LPIN2: variants seen among roughly 807,000 people sequenced by gnomAD.
LPIN2 encodes lipin 2, also known as phosphatidate phosphatase LPIN2.
LPIN2 carries 55 observed loss-of-function variants against 111.4 expected under a neutral mutation model. The ratio of observed to expected loss-of-function variants is 0.49; its 90% CI spans 0.40 to 0.62. The LOEUF (loss-of-function observed/expected upper bound fraction) is 0.62. Ranked by LOEUF, LPIN2 falls within the 20% of genes least tolerant of loss-of-function variation. The probability of loss-of-function intolerance (pLI) is 0.00; values close to 1 mark genes in which losing one functional copy is unlikely to be tolerated. For missense variants in LPIN2, 992 were observed against 1,112.1 expected, an observed-to-expected ratio of 0.89 and a Z score of 1.54; for synonymous variants, 425 against 414.0, an observed-to-expected ratio of 1.03 and a Z score of -0.32.
intron 1 of LPIN2, among the ~76,000 whole-genome samples, chr18:2,998,039 A>C (rs531190244): frequency 2.0e-5 from 3 of 152,362 alleles, no homozygotes; most frequent in Admixed American, 6.5e-5. Flanking sequence ...AGTCTTTCCC[A>C]ATGTCAATCA....
At chr18:2,949,278 T>A (rs2077499344) in intron 4 of LPIN2, among the ~76,000 whole-genome samples, 1 of 152,182 alleles carries the variant, frequency 6.6e-6, no homozygotes, top group East Asian at 1.9e-4. Context: ...CAGCTTAAAT[T>A]TCTTTGGGAA....
At chr18:2,921,375 A>G (rs2077051374) in intron 18 of LPIN2, 158 bp downstream of exon 18, 1 of 690,386 alleles carries the variant, frequency 1.4e-6, no homozygotes, top group Admixed American at 2.1e-5. Context: ...CAGTTGCTAT[A>G]GATATTTGGA....
chr18:2,944,630 A>G (rs1327689972), intron 4 of LPIN2, among the ~76,000 whole-genome samples: 4 of 152,090 alleles, frequency 2.6e-5, no homozygotes, highest in Admixed American at 1.3e-4. Flanking sequence ...GATTACAGGC[A>G]TGAGCCACCG....
intron 1 of LPIN2, among the ~76,000 whole-genome samples, chr18:2,966,190 G>T (rs1302135647): frequency 6.6e-6 from 1 of 152,158 alleles, no homozygotes; most frequent in Admixed American, 6.5e-5. Flanking sequence ...ACCTGCCTTG[G>T]CTTCCCGAAA....
At position 2,921,657 on chromosome 18, in the gene LPIN2, A is replaced by C; in HGVS notation, c.2328-10T>G. On this transcript the variant is annotated splice_polypyrimidine_tract_variant and intron_variant, in intron 17 of 19. Coordinates refer to ENST00000677752, the MANE Select transcript of LPIN2 (RefSeq NM_001375808.2). ...CTTTTCTATCACTTCTCTAAGAAAAAAATACAAATACAATCACCAATCTCA... is the reference window on the plus strand; with the variant it reads ...CTTTTCTATCACTTCTCTAAGAAAACAATACAAATACAATCACCAATCTCA... 1 of 1,542,744 alleles carries C rather than the reference A, an allele frequency of 6.5e-7. No homozygotes were observed.
intron 4 of LPIN2, among the ~76,000 whole-genome samples, chr18:2,942,840 T>A (rs989126563): frequency 4.6e-5 from 7 of 152,182 alleles, no homozygotes; most frequent in African/African-American, 1.7e-4. Flanking sequence ...AGTAACAAAC[T>A]AAGCACGTGA....
intron 1 of LPIN2, among the ~76,000 whole-genome samples, chr18:2,981,636 T>C (rs78718855): frequency 0.01 from 1,556 of 152,338 alleles, 26 homozygotes; most frequent in African/African-American, 0.035. Context: ...GTGTATACAT[T>C]CTATAATATT....
At chr18:2,962,256 A>T (rs1185689524) in intron 1 of LPIN2, among the ~76,000 whole-genome samples, 2 of 152,214 alleles carry the variant, frequency 1.3e-5, no homozygotes, top group South Asian at 2.1e-4. Flanking sequence ...AGAAATTTTT[A>T]AAATATTTTA....
intron 13 of LPIN2, among the ~76,000 whole-genome samples, chr18:2,926,514 A>T (rs1464407922): frequency 6.6e-6 from 1 of 151,844 alleles, no homozygotes; most frequent in Non-Finnish European, 1.5e-5. Flanking sequence ...CCACGGCTCC[A>T]CAAGGAGGCA....
chr18:2,918,028 ATAC>A lies in LPIN2; in HGVS notation c.*2262_*2264del, dbSNP rs2076994921. The A allele has an allele frequency of 6.6e-6, 1 of 152,208 alleles. No individual in the cohort carries two copies. The highest frequency in any genetic ancestry group is 1.5e-5 in the Non-Finnish European group (1 of 68,042). 9.4% of individuals were successfully genotyped at this position (152,208 alleles called of 1,614,324 possible). A position where few individuals can be genotyped will look rare whatever the true frequency, so the allele number is the denominator to read the frequency against. On this transcript the variant is annotated 3_prime_UTR_variant, in exon 20 of 20. Coordinates refer to ENST00000677752, the MANE Select transcript of LPIN2 (RefSeq NM_001375808.2). ...GCAATGGATTTTCAGCACAAACTTA[ATAC>A]TTTCCTAACACTACAGCAATAGTAA...
intron 1 of LPIN2, chr18:2,978,933 G>A (rs1250192870): frequency 3.3e-5 from 5 of 152,290 alleles, no homozygotes; most frequent in Non-Finnish European, 5.9e-5. Flanking sequence ...AATGATCCCA[G>A]AATGTAGCAC....
intron 1 of LPIN2, among the ~76,000 whole-genome samples, chr18:2,982,485 G>C (rs1270155975): frequency 6.6e-6 from 1 of 152,136 alleles, no homozygotes; most frequent in Non-Finnish European, 1.5e-5. Flanking sequence ...CAGGAGGGCA[G>C]GTAGCCAAAG....
At chr18:2,969,700 T>C (rs1360016611) in intron 1 of LPIN2, among the ~76,000 whole-genome samples, 1 of 152,048 alleles carries the variant, frequency 6.6e-6, no homozygotes, top group Non-Finnish European at 1.5e-5. Flanking sequence ...GAAAGGGGGA[T>C]AAAAACAAAT....
At chr18:3,002,767 T>C (rs1445512215) in intron 1 of LPIN2, among the ~76,000 whole-genome samples, 4 of 152,302 alleles carry the variant, frequency 2.6e-5, no homozygotes, top group Middle Eastern at 3.4e-3. Context: ...ACATTAAAAA[T>C]ATAAGCCCAG....
At position 2,927,717 on chromosome 18, in the gene LPIN2, G is replaced by A; in HGVS notation, c.1710+5C>T. On this transcript the variant is annotated splice_donor_5th_base_variant and intron_variant, in intron 12 of 19. Coordinates refer to ENST00000677752, the MANE Select transcript of LPIN2 (RefSeq NM_001375808.2). ...CACGGAAACAATGACCTCTAGGTCT[G>A]TTACCTGTTTGGTCATGCTTTCTCT... 6.2e-7 allele frequency: 1 copy of A among 1,613,802 alleles called. No homozygotes were observed. Among genetic ancestry groups the A allele is most frequent in the South Asian group, 1.1e-5 (1 of 91,066 alleles).
intron 1 of LPIN2, among the ~76,000 whole-genome samples, chr18:2,986,660 A>G (rs2078191421): frequency 6.6e-6 from 1 of 152,146 alleles, no homozygotes; most frequent in Admixed American, 6.5e-5. Flanking sequence ...TACACATCGC[A>G]GTTTAAGGAG....
Position 2,937,845 on chromosome 18 carries a change from G to C in LPIN2, c.1015C>G (p.Pro339Ala). The stretch of plus-strand genomic sequence containing the variant: ...TCGAGAAGCTCTGCCACAGATGTTG[G>C]GTCGCTCATCTGTGTACCCAGGGCT... The part of the protein sequence containing the change: ...PRALGTQMSD[P>A]TSVAELLEPP... Residue 339 changes from proline to alanine, a missense_variant, in exon 7 of 20, where the codon CCA becomes GCA. Pro to Ala is a conservative substitution (Grantham distance 27, BLOSUM62 -1). Transcript: ENST00000677752. The C allele has an allele frequency of 2.5e-6, 4 of 1,614,108 alleles. No individual in the cohort carries two copies. Among genetic ancestry groups the C allele is most frequent in the Non-Finnish European group, 3.4e-6 (4 of 1,180,038 alleles).
intron 2 of LPIN2, among the ~76,000 whole-genome samples, chr18:2,958,793 C>A (rs1366705946): frequency 6.6e-6 from 1 of 152,192 alleles, no homozygotes; most frequent in East Asian, 1.9e-4. Context: ...ATTAGAGGCA[C>A]ACAGCAAGCA....
Position 3,008,172 on chromosome 18 carries a change from T to TAATCCCAACACAG in LPIN2, c.-10+4914_-10+4915insCTGTGTTGGGATT, listed in dbSNP as rs2078544658. On this transcript the variant is annotated intron_variant, in intron 1 of 19. Transcript: ENST00000677752. Reference sequence around the variant, plus strand: ...AAACGGATGCTTAGGCTGGGCACAGTGGCTCACACCTGTAATCCCAACACT... The same window carrying TAATCCCAACACAG: ...AAACGGATGCTTAGGCTGGGCACAGTAATCCCAACACAGGGCTCACACCTGTAATCCCAACACT... 2.0e-5 allele frequency among the ~76,000 whole-genome samples: 3 copies of TAATCCCAACACAG among 152,372 alleles called. No individual in the cohort carries two copies. The South Asian group carries it at 6.2e-4, about 32-fold the overall frequency.
Sources: gnomAD v4.1 joint callset for allele counts (sites outside exome capture counted in the v4.1 genomes callset) on GRCh38, gnomAD v4.1.1 for gene constraint, MANE v1.5 for transcripts, NCBI Gene and HGNC (gene_info 2026-07-23, HGNC 2026-07-21) for gene names.